Variants in OOSP4B observed in about 807,000 individuals in gnomAD.
OOSP4B encodes the protein oocyte-secreted protein 4B.
intron 3 of OOSP4B, among the ~76,000 whole-genome samples, chr11:60,029,552 C>G (rs1303876241): frequency 6.6e-6 from 1 of 152,038 alleles, no homozygotes; most frequent in Non-Finnish European, 1.5e-5. Flanking sequence ...TTATTGACCC[C>G]GGAGCCTCAA....
chr11:60,018,139 T>C (rs1287957412), intron 1 of OOSP4B, among the ~76,000 whole-genome samples: 2 of 152,150 alleles, frequency 1.3e-5, no homozygotes, highest in Non-Finnish European at 2.9e-5. Flanking sequence ...GAGAGAATAG[T>C]TGTTTGGTTC....
intron 1 of OOSP4B, among the ~76,000 whole-genome samples, chr11:60,020,489 C>T (rs112686046): frequency 0.017 from 2,590 of 152,264 alleles, 71 homozygotes; most frequent in African/African-American, 0.059. Flanking sequence ...CGGGTGGGGG[C>T]GGGGGCCAGC....
intron 3 of OOSP4B, among the ~76,000 whole-genome samples, chr11:60,027,736 T>C (rs1049720142): frequency 2.7e-5 from 4 of 147,030 alleles, no homozygotes; most frequent in African/African-American, 9.9e-5. Context: ...GGCTAGGAGT[T>C]CGAAACCAGC....
intron 1 of OOSP4B, among the ~76,000 whole-genome samples, chr11:60,017,884 A>G (rs188148576): frequency 7.2e-5 from 11 of 152,168 alleles, no homozygotes; most frequent in Non-Finnish European, 1.2e-4. Context: ...TTATATAGAG[A>G]GTAAGCAGCT....
At position 60,028,822 on chromosome 11, in the gene OOSP4B, G is replaced by A. The variant is rs568131740; in HGVS notation, c.303-960G>A. On this transcript the variant is annotated intron_variant, in intron 3 of 4. Transcript: ENST00000642343. Reference sequence around the variant, plus strand: ...CACTGAGCATAGATGCCTTCTCCACGGTGGGTCCAAATGCCGGTCTTCCTC... The same window carrying A: ...CACTGAGCATAGATGCCTTCTCCACAGTGGGTCCAAATGCCGGTCTTCCTC... Among the ~76,000 whole-genome samples the A allele has an allele frequency of 3.9e-5, 6 of 152,228 alleles. No homozygotes were observed. The East Asian group carries it at 1.2e-3, about 29-fold the overall frequency.
intron 3 of OOSP4B, among the ~76,000 whole-genome samples, chr11:60,029,380 C>G (rs1404728233): frequency 6.6e-6 from 1 of 152,070 alleles, no homozygotes. Context: ...TATTTCCTGC[C>G]TAAGATTTTG....
At chr11:60,028,390 T>A (rs1854767820) in intron 3 of OOSP4B, among the ~76,000 whole-genome samples, 1 of 152,114 alleles carries the variant, frequency 6.6e-6, no homozygotes, top group Non-Finnish European at 1.5e-5. Context: ...CGTCTCGAAC[T>A]CCTGACCTCA....
At chr11:60,020,555 C>T (rs1234167623) in intron 1 of OOSP4B, among the ~76,000 whole-genome samples, 4 of 152,226 alleles carry the variant, frequency 2.6e-5, no homozygotes, top group Admixed American at 2.6e-4. Context: ...CTTGCGCTGG[C>T]CTGCAAGCAC....
chr11:60,019,834 C>G (rs1674332685), intron 1 of OOSP4B, among the ~76,000 whole-genome samples: 1 of 152,202 alleles, frequency 6.6e-6, no homozygotes, highest in South Asian at 2.1e-4. Context: ...ATTCCCTTAT[C>G]TGGCCCCACC....
At chr11:60,021,084 C>G (rs968136231) in intron 1 of OOSP4B, among the ~76,000 whole-genome samples, 5 of 152,242 alleles carry the variant, frequency 3.3e-5, no homozygotes, top group Admixed American at 3.3e-4. Flanking sequence ...AATCTGGCCT[C>G]TCATCTATCC....
At chr11:60,027,655 TAAAAAAAAAA>T (rs61649958) in intron 3 of OOSP4B, among the ~76,000 whole-genome samples, 7 of 62,236 alleles carry the variant, frequency 1.1e-4, no homozygotes, top group East Asian at 7.8e-4. Context: ...GCTATGATAT[TAAAAAAAAAA>T]AAAAAAAAAA....
intron 1 of OOSP4B, among the ~76,000 whole-genome samples, chr11:60,018,197 T>C (rs1419482826): frequency 2.0e-5 from 3 of 152,158 alleles, no homozygotes; most frequent in African/African-American, 7.2e-5. Context: ...TGTGAGAGGT[T>C]TGCCAAATAA....
At chr11:60,027,329 A>G (rs1391510507) in intron 3 of OOSP4B, among the ~76,000 whole-genome samples, 2 of 152,098 alleles carry the variant, frequency 1.3e-5, no homozygotes, top group Admixed American at 6.5e-5. Flanking sequence ...TTTTGGTGGT[A>G]GTCTTTGGTT....
intron 1 of OOSP4B, among the ~76,000 whole-genome samples, chr11:60,018,653 G>C (rs1854650663): frequency 6.6e-6 from 1 of 152,152 alleles, no homozygotes; most frequent in South Asian, 2.1e-4. Context: ...GAGTGAATAA[G>C]ATTTGTGGGG....
chr11:60,020,154 T>A (rs1640272116), intron 1 of OOSP4B, among the ~76,000 whole-genome samples: 1 of 152,208 alleles, frequency 6.6e-6, no homozygotes, highest in African/African-American at 2.4e-5. Flanking sequence ...ACATAAAGAT[T>A]CTCCAAGTCC....
chr11:60,021,471 G>A (rs1854689915), intron 1 of OOSP4B: 1 of 152,180 alleles, frequency 6.6e-6, no homozygotes, highest in Admixed American at 6.5e-5. Context: ...CTAAGACACA[G>A]ATGTTCAGTG....
chr11:60,026,664 C>T (rs938066101), intron 3 of OOSP4B, among the ~76,000 whole-genome samples: 3 of 152,160 alleles, frequency 2.0e-5, no homozygotes, highest in African/African-American at 4.8e-5. Context: ...TTAAAAGGAA[C>T]CTCTGTTCTT....
Position 60,027,505 on chromosome 11 carries a change from T to C in OOSP4B, c.303-2277T>C, listed in dbSNP as rs190712216. Among the ~76,000 whole-genome samples, 24 of 152,078 alleles carry C rather than the reference T, an allele frequency of 1.6e-4. No individual in the cohort carries two copies. The East Asian group carries it at 4.3e-3, about 27-fold the overall frequency. ...CCAATGTCTTCTCAACCTCTGTCTA[T>C]AATATTAGCTGCTATATTGTTATAG... On this transcript the variant is annotated intron_variant, in intron 3 of 4. Coordinates refer to ENST00000642343, the Ensembl canonical transcript of OOSP4B.
At chr11:60,018,954 C>T (rs1054840187) in intron 1 of OOSP4B, among the ~76,000 whole-genome samples, 2 of 152,222 alleles carry the variant, frequency 1.3e-5, no homozygotes, top group East Asian at 1.9e-4. Context: ...CAGTGGCTCA[C>T]GCCTGTAATC....
Sources: gnomAD v4.1 joint callset for allele counts (sites outside exome capture counted in the v4.1 genomes callset) on GRCh38, gnomAD v4.1.1 for gene constraint, MANE v1.5 for transcripts, NCBI Gene and HGNC (gene_info 2026-07-23, HGNC 2026-07-21) for gene names.